The following INTS10 variants were observed in gnomAD, a reference collection of about 807,000 sequenced individuals.
The protein encoded by INTS10 is integrator complex subunit 10, also known as chromosome 8 open reading frame 35.
A neutral mutation model predicts 94.4 loss-of-function variants in INTS10; 44 were observed. The ratio of observed to expected loss-of-function variants is 0.47; its 90% confidence interval spans 0.37 to 0.60. The LOEUF is 0.60. Ranked by LOEUF, INTS10 falls within the 20% of genes least tolerant of loss-of-function variation. The probability of loss-of-function intolerance (pLI) is 0.00; values close to 1 mark genes in which losing one functional copy is unlikely to be tolerated. For missense variants in INTS10, 797 were observed against 868.7 expected (o/e 0.92, Z 1.04); for synonymous variants, 341 against 320.7 (o/e 1.06, Z -0.68).
At chr8:19,833,134 T>C (rs367555635) in intron 11 of INTS10, 35 bp from the exon 12 acceptor site, 69 of 1,490,518 alleles carry the variant, frequency 4.6e-5, no homozygotes, top group Non-Finnish European at 5.9e-5. Flanking sequence ...TTAACAGCGA[T>C]GCTTTTCCCC....
At chr8:19,826,138 G>A (rs1218709456) in intron 8 of INTS10, among the ~76,000 whole-genome samples, 2 of 152,084 alleles carry the variant, frequency 1.3e-5, no homozygotes, top group Non-Finnish European at 2.9e-5. Context: ...GGAGTGCAGT[G>A]GCGTGATCTC....
At chr8:19,838,398 A>T (rs538144489) in intron 13 of INTS10, among the ~76,000 whole-genome samples, 59 of 152,298 alleles carry the variant, frequency 3.9e-4, no homozygotes, top group African/African-American at 1.3e-3. Flanking sequence ...AGAAAGAAAG[A>T]AAATAAATAA....
rs1170631436 is a variant in INTS10, at chr8:19,849,872, G to A, written c.1977-1777G>A. Among the ~76,000 whole-genome samples the A allele has an allele frequency of 4.6e-5, 7 of 152,070 alleles. No homozygotes were observed. Among genetic ancestry groups the A allele is most frequent in the African/African-American group, 1.7e-4 (7 of 41,390 alleles). ...TAGTGCTTCTAATAGAAATATAATT[G>A]AATTGTGCCACTCTTTATATATGGA... On this transcript the variant is annotated intron_variant, in intron 16 of 16. Transcript: ENST00000397977. This position sits in a 1 kb window ranked among gnomAD's most constrained non-coding sequence, Gnocchi z 4.6.
intron 9 of INTS10, among the ~76,000 whole-genome samples, chr8:19,830,068 G>A (rs2067113541): frequency 1.3e-5 from 2 of 152,112 alleles, no homozygotes; most frequent in South Asian, 4.1e-4. Flanking sequence ...AACAGGTGCT[G>A]TTTAAGCTGT....
intron 14 of INTS10, 23 bp from the exon 15 acceptor site, chr8:19,844,053 T>G (rs1308191848): frequency 6.4e-7 from 1 of 1,558,332 alleles, no homozygotes; most frequent in East Asian, 2.3e-5. Flanking sequence ...TCCTTCTGTC[T>G]TGTATAAATC....
chr8:19,843,890 C>T lies in INTS10; in HGVS notation c.1720-186C>T, dbSNP rs1563451903. 6.6e-6 allele frequency among the ~76,000 whole-genome samples: 1 copy of T among 152,232 alleles called. No homozygotes were observed. Among genetic ancestry groups the T allele is most frequent in the African/African-American group, 2.4e-5 (1 of 41,452 alleles). ...CTGAGGCTTCTTTGGTTAGAATCCA[C>T]CCTCCTTAGAAGGCAGCTGTGATGT... is the stretch of plus-strand genomic sequence containing the variant. On this transcript the variant is annotated intron_variant, in intron 14 of 16. Coordinates refer to ENST00000397977, the MANE Select transcript of INTS10 (RefSeq NM_018142.4). This position sits in a 1 kb window ranked among gnomAD's most constrained non-coding sequence, Gnocchi z 4.7.
In INTS10 at chr8:19,830,539, C is replaced by A. The variant is rs369022361; in HGVS notation, c.1274C>A (p.Ser425Tyr). 5.0e-6 allele frequency: 8 copies of A among 1,612,376 alleles called. No homozygotes were observed. Among genetic ancestry groups the A allele is most frequent in the Non-Finnish European group, 6.8e-6 (8 of 1,179,488 alleles). ...AGGGAGAGCTGGGAGTTGCTCTATTCCCTAGAATTCCTTGACAAAGGTAAG... is the reference window on the plus strand; with the variant it reads ...AGGGAGAGCTGGGAGTTGCTCTATTACCTAGAATTCCTTGACAAAGGTAAG... ...LARESWELLY[S>Y]LEFLDKEFTR... The change falls in exon 10 of 17, where the codon TCC becomes TAC. Residue 425 changes from serine (S) to tyrosine (Y), a missense_variant. Physicochemically the swap from Ser to Tyr is moderately radical, Grantham distance 144. Coordinates refer to ENST00000397977, the MANE Select transcript of INTS10 (RefSeq NM_018142.4).
Position 19,843,105 on chromosome 8 carries a change from C to T in INTS10, c.1719+178C>T. ...AAATCTATATTAAATAATGACTGCG[C>T]TAGGCAAAGAGAAGTAGGAAGTTCT... is the stretch of plus-strand genomic sequence containing the variant. On this transcript the variant is annotated intron_variant, in intron 14 of 16. Coordinates refer to ENST00000397977, the MANE Select transcript of INTS10 (RefSeq NM_018142.4). This position sits in a 1 kb window ranked among gnomAD's most constrained non-coding sequence, Gnocchi z 4.7. Among the ~76,000 whole-genome samples, 1 of 152,148 alleles carries T rather than the reference C, an allele frequency of 6.6e-6. No homozygotes were observed. The highest frequency in any genetic ancestry group is 1.9e-4 in the East Asian group (1 of 5,202).
At chr8:19,847,610 A>T (rs2068683598) in intron 16 of INTS10, among the ~76,000 whole-genome samples, 1 of 152,242 alleles carries the variant, frequency 6.6e-6, no homozygotes. Context: ...GATGATTATC[A>T]CTTTACCTAG....
intron 2 of INTS10, 119 bp from the exon 3 acceptor site, chr8:19,819,454 G>A (rs2066194223): frequency 1.7e-6 from 1 of 603,506 alleles, no homozygotes; most frequent in African/African-American, 1.9e-5. Flanking sequence ...GGTTTGTTTT[G>A]GCACGTCTAA....
rs1408042211 is a variant in INTS10, at chr8:19,843,310, T to A, written c.1719+383T>A. 2.0e-5 allele frequency among the ~76,000 whole-genome samples: 3 copies of A among 152,154 alleles called. No homozygotes were observed. The highest frequency in any genetic ancestry group is 7.2e-5 in the African/African-American group (3 of 41,496). On this transcript the variant is annotated intron_variant, in intron 14 of 16. Transcript: ENST00000397977. This position sits in a 1 kb window ranked among gnomAD's most constrained non-coding sequence, Gnocchi z 4.7. The stretch of plus-strand genomic sequence containing the variant: ...TTGTAAAGATGTGCTAGATTAAGCA[T>A]GTTAGGTGTTGAGATCAACACCAGT...
intron 12 of INTS10, among the ~76,000 whole-genome samples, chr8:19,834,222 C>T (rs746488694): frequency 6.6e-6 from 1 of 152,098 alleles, no homozygotes; most frequent in African/African-American, 2.4e-5. Flanking sequence ...AAACTCAAGG[C>T]CACAGCATAA....
chr8:19,822,536 T>C lies in INTS10; in HGVS notation c.523+16T>C. The C allele has an allele frequency of 6.9e-7, 1 of 1,441,460 alleles. No homozygotes were observed. The highest frequency in any genetic ancestry group is 1.1e-5 in the South Asian group (1 of 87,264). The allele number at this position is 1,441,460 out of a possible 1,614,324, so 89.3% of individuals were successfully genotyped here. ...AAATTATTTGGTAAGGAAAATTGTA[T>C]TCTCTATTACTTCTATGGTAAATTA... On this transcript the variant is annotated intron_variant, in intron 5 of 16. Coordinates refer to ENST00000397977, the MANE Select transcript of INTS10 (RefSeq NM_018142.4).
In INTS10 at chr8:19,823,283, CT is replaced by C. The variant is rs777106476; in HGVS notation, c.524-13del. On this transcript the variant is annotated splice_polypyrimidine_tract_variant and intron_variant, in intron 5 of 16. Transcript: ENST00000397977. ...AGACAACCTAATTAATTTATTTCTT[CT>C]TTTTCTCCTCCAACAGTTTGTGATG... 1.3e-6 allele frequency: 2 copies of C among 1,592,538 alleles called. No individual in the cohort carries two copies. Among genetic ancestry groups the C allele is most frequent in the East Asian group, 4.5e-5 (2 of 44,662 alleles).
At chr8:19,822,892 G>C (rs1009805673) in intron 5 of INTS10, among the ~76,000 whole-genome samples, 1 of 151,742 alleles carries the variant, frequency 6.6e-6, no homozygotes, top group Non-Finnish European at 1.5e-5. Context: ...GGAGGTTGCA[G>C]TAAGCCGAGA....
At chr8:19,828,722 GTT>G (rs546461512) in intron 9 of INTS10, among the ~76,000 whole-genome samples, 14 of 143,134 alleles carry the variant, frequency 9.8e-5, no homozygotes, top group East Asian at 2.1e-4. Flanking sequence ...TACGGTTGTG[GTT>G]TTTTTTTTTT....
chr8:19,839,082 CCAAA>C (rs113845614), intron 13 of INTS10, among the ~76,000 whole-genome samples: 43 of 151,234 alleles, frequency 2.8e-4, no homozygotes, highest in African/African-American at 1.0e-3. Context: ...AAAAAAAAAA[CCAAA>C]CAAACAAAAA....
At chr8:19,832,142 G>A in intron 11 of INTS10, 32 bp downstream of exon 11, 1 of 1,159,230 alleles carries the variant, frequency 8.6e-7, no homozygotes, top group Non-Finnish European at 1.3e-6. Context: ...AGGTACCTGT[G>A]TCTGTACAGC....
chr8:19,817,805 C>A (rs2066046271), intron 1 of INTS10, 139 bp downstream of exon 1: 2 of 1,101,906 alleles, frequency 1.8e-6, no homozygotes, highest in African/African-American at 1.6e-5. Flanking sequence ...CTCCCACCCC[C>A]TCCTCTCTCC....
Sources: allele counts gnomAD v4.1 joint callset (sites outside exome capture counted in the v4.1 genomes callset), GRCh38; gene constraint gnomAD v4.1.1; non-coding constraint Gnocchi (gnomAD v3.1); transcripts MANE v1.5; gene names NCBI Gene and HGNC (gene_info 2026-07-23, HGNC 2026-07-21).